NPAS3: variants seen among roughly 807,000 people sequenced by gnomAD.
The protein encoded by NPAS3 is neuronal PAS domain protein 3.
Under a neutral mutation model 73.1 loss-of-function variants are expected in NPAS3, and 14 were observed. That is an observed-to-expected ratio of 0.19 (90% CI 0.13 to 0.30). NPAS3 has a LOEUF of 0.30. Among genes scored for constraint, NPAS3 ranks in the 10% least tolerant of loss-of-function variants. NPAS3 has a pLI of 1.00. For synonymous variants in NPAS3, 620 were observed against 541.5 expected (o/e 1.14, Z -2.01); for missense variants, 1,096 against 1,250.0 (o/e 0.88, Z 1.86).
At chr14:33,499,852 T>A (rs2052422149) in intron 4 of NPAS3, among the ~76,000 whole-genome samples, 1 of 151,946 alleles carries the variant, frequency 6.6e-6, no homozygotes, top group Non-Finnish European at 1.5e-5. Context: ...CAACTGTTTA[T>A]CTCTGGCAGC....
At chr14:33,232,953 A>C (rs562144141) in intron 3 of NPAS3, among the ~76,000 whole-genome samples, 1 of 152,178 alleles carries the variant, frequency 6.6e-6, no homozygotes. Flanking sequence ...TGCCCATTGC[A>C]TTGTAGGCCA....
At chr14:33,784,224 T>C (rs1377650517) in intron 9 of NPAS3, among the ~76,000 whole-genome samples, 1 of 152,226 alleles carries the variant, frequency 6.6e-6, no homozygotes, top group Non-Finnish European at 1.5e-5. Flanking sequence ...GCAGTCGTTT[T>C]TTTCCTATTC....
At chr14:33,766,757 T>C (rs573431235) in intron 7 of NPAS3, among the ~76,000 whole-genome samples, 10 of 152,266 alleles carry the variant, frequency 6.6e-5, no homozygotes, top group African/African-American at 2.4e-4. Context: ...TCTCCATACA[T>C]AGCTGATGAC....
At chr14:33,524,275 G>C (rs1397773308) in intron 4 of NPAS3, among the ~76,000 whole-genome samples, 1 of 152,032 alleles carries the variant, frequency 6.6e-6, no homozygotes, top group Non-Finnish European at 1.5e-5. Flanking sequence ...CTGTAAATTT[G>C]TTATTCTTTT....
chr14:33,363,960 T>A (rs1028664203), intron 3 of NPAS3, among the ~76,000 whole-genome samples: 1 of 148,952 alleles, frequency 6.7e-6, no homozygotes, highest in Non-Finnish European at 1.5e-5. Flanking sequence ...TGTGTGTGTG[T>A]GTATAGGTTA....
chr14:33,629,348 G>T (rs756959946), intron 5 of NPAS3, among the ~76,000 whole-genome samples: 1 of 152,094 alleles, frequency 6.6e-6, no homozygotes, highest in Admixed American at 6.5e-5. Context: ...GGAAGAAAGA[G>T]AAATAAGTGA....
chr14:33,536,934 A>G (rs2140219376), intron 4 of NPAS3, among the ~76,000 whole-genome samples: 1 of 152,308 alleles, frequency 6.6e-6, no homozygotes, highest in South Asian at 2.1e-4. Flanking sequence ...TAGAAAATTC[A>G]GTTACCCATC....
At chr14:33,122,110 T>C (rs2043252073) in intron 2 of NPAS3, among the ~76,000 whole-genome samples, 1 of 152,164 alleles carries the variant, frequency 6.6e-6, no homozygotes, top group South Asian at 2.1e-4. Context: ...CCAGCTATGA[T>C]TATTTTCTGT....
At chr14:33,329,668 TG>T (rs1429559404) in intron 3 of NPAS3, among the ~76,000 whole-genome samples, 1 of 152,066 alleles carries the variant, frequency 6.6e-6, no homozygotes, top group Non-Finnish European at 1.5e-5. Flanking sequence ...GGCAGGGGCA[TG>T]ATCCTTCACC....
intron 7 of NPAS3, among the ~76,000 whole-genome samples, chr14:33,746,349 C>T (rs139661114): frequency 0.017 from 2,567 of 151,572 alleles, 35 homozygotes; most frequent in Middle Eastern, 0.044. Context: ...CCACCATGCC[C>T]GGCTAGTTTT....
chr14:33,684,820 C>T (rs539331578), intron 6 of NPAS3, among the ~76,000 whole-genome samples: 2 of 152,302 alleles, frequency 1.3e-5, no homozygotes, highest in Admixed American at 1.3e-4. Context: ...AGGCTCCTTC[C>T]TTTCAGAGCC....
At chr14:33,224,044 A>T (rs2047533147) in intron 3 of NPAS3, among the ~76,000 whole-genome samples, 2 of 152,154 alleles carry the variant, frequency 1.3e-5, no homozygotes, top group Admixed American at 1.3e-4. Flanking sequence ...ACACACTTAT[A>T]TTCTATATCA....
chr14:33,497,903 C>T (rs1261636490), intron 4 of NPAS3, among the ~76,000 whole-genome samples: 1 of 152,092 alleles, frequency 6.6e-6, no homozygotes, highest in Non-Finnish European at 1.5e-5. Flanking sequence ...TCAGAGTGAA[C>T]AGGCAACCTA....
intron 1 of NPAS3, among the ~76,000 whole-genome samples, chr14:32,996,353 G>A (rs2038570578): frequency 6.6e-6 from 1 of 152,176 alleles, no homozygotes; most frequent in Non-Finnish European, 1.5e-5. Flanking sequence ...ATTTTCTGAG[G>A]AGAAATTCAA....
chr14:33,348,198 A>G (rs1488901620), intron 3 of NPAS3, among the ~76,000 whole-genome samples: 9 of 152,192 alleles, frequency 5.9e-5, no homozygotes, highest in Non-Finnish European at 1.2e-4. Flanking sequence ...TGGTTGCTAA[A>G]TAGCAAAATC....
intron 4 of NPAS3, among the ~76,000 whole-genome samples, chr14:33,480,576 T>TCTCTCTCTCCTTCTGGGTCCCTCC (rs2051278767): frequency 1.1e-5 from 1 of 88,726 alleles, no homozygotes; most frequent in African/African-American, 5.0e-5. Flanking sequence ...TCCCTCCCTC[T>TCTCTCTCTCCTTCTGGGTCCCTCC]CTCTCTCTCC....
At position 33,626,753 on chromosome 14, in the gene NPAS3, A is replaced by G. The variant is rs144856353; in HGVS notation, c.559-49458A>G. Among the ~76,000 whole-genome samples the G allele has an allele frequency of 2.4e-3, 373 of 152,308 alleles. 3 individuals are homozygous for G. Among genetic ancestry groups the G allele is most frequent in the African/African-American group, 8.5e-3 (355 of 41,564 alleles). ...GGAGTTTATATTCCAGTGGAGGGAG[A>G]TAGATAGACAATAAGTAGAAAAGAA... is the stretch of plus-strand genomic sequence containing the variant. On this transcript the variant is annotated intron_variant, in intron 5 of 11. Transcript: ENST00000356141.
intron 2 of NPAS3, among the ~76,000 whole-genome samples, chr14:33,195,578 TTTTAA>T (rs2046323777): frequency 6.6e-6 from 1 of 152,084 alleles, no homozygotes; most frequent in Non-Finnish European, 1.5e-5. Context: ...AAAACAAGAG[TTTTAA>T]TTTAATGTTT....
chr14:33,585,117 T>C lies in NPAS3; in HGVS notation c.558+24907T>C, dbSNP rs1285858268. 2.0e-5 allele frequency among the ~76,000 whole-genome samples: 3 copies of C among 152,138 alleles called. No homozygotes were observed. In the East Asian group the frequency reaches 5.8e-4, roughly 29 times the overall value. On this transcript the variant is annotated intron_variant, in intron 5 of 11. Transcript: ENST00000356141. ...ACTGAGGGCAGATTGTTAAAGCCAC[T>C]GGATACAGGATGAAATGCAAGAAAG...
Sources: allele counts gnomAD v4.1 joint callset (sites outside exome capture counted in the v4.1 genomes callset), GRCh38; gene constraint gnomAD v4.1.1; transcripts MANE v1.5; gene names NCBI Gene and HGNC (gene_info 2026-07-23, HGNC 2026-07-21).